Variants in RBMS1 observed in about 807,000 individuals in gnomAD.
The protein encoded by RBMS1 is RNA-binding motif, single-stranded-interacting protein 1.
In RBMS1, 17 loss-of-function variants were observed where a neutral mutation model predicts 62.3. That is an observed-to-expected ratio of 0.27 (90% CI 0.19 to 0.41). The LOEUF is 0.41. RBMS1 is among the 10% of genes least tolerant of loss of function. The pLI, the probability that RBMS1 is intolerant of heterozygous loss-of-function variation, is 1.00. For missense variants in RBMS1, 334 were observed against 504.5 expected, an observed-to-expected ratio of 0.66 and a Z score of 3.24; for synonymous variants, 172 against 170.0, an observed-to-expected ratio of 1.01 and a Z score of -0.09.
rs563350856 is a variant in RBMS1, at chr2:160,426,646, C to G, written c.76-59255G>C. On this transcript the variant is annotated intron_variant, in intron 1 of 13. Coordinates refer to ENST00000348849, the MANE Select transcript of RBMS1 (RefSeq NM_016836.4). ...ATTCCATTTTAGTTTCAAGTGTATA[C>G]CTTTTAAGTCAAAGGAGGTACTTTG... Among the ~76,000 whole-genome samples, 99 of 152,182 alleles carry G rather than the reference C, an allele frequency of 6.5e-4. 8 individuals carry two copies. The South Asian group carries it at 0.02, about 31-fold the overall frequency.
chr2:160,349,095 A>G (rs1559422077), intron 2 of RBMS1, among the ~76,000 whole-genome samples: 2 of 152,078 alleles, frequency 1.3e-5, no homozygotes, highest in Non-Finnish European at 2.9e-5. Context: ...GCCCACTCTG[A>G]TGAGTTACTA....
chr2:160,336,947 T>C (rs1361251545), intron 2 of RBMS1, among the ~76,000 whole-genome samples: 2 of 152,154 alleles, frequency 1.3e-5, no homozygotes, highest in Admixed American at 1.3e-4. Context: ...TTGTTTATGG[T>C]AGTTGCTTTA....
chr2:160,347,602 C>T (rs187422238), intron 2 of RBMS1, among the ~76,000 whole-genome samples: 2 of 152,090 alleles, frequency 1.3e-5, no homozygotes, highest in South Asian at 4.1e-4. Context: ...CGAAGGTCAA[C>T]AAGTACCAGT....
intron 9 of RBMS1, 33 bp downstream of exon 9, chr2:160,284,742 G>T (rs756420894): frequency 2.3e-5 from 33 of 1,445,006 alleles, no homozygotes; most frequent in Non-Finnish European, 3.1e-5. Flanking sequence ...TCCGCAAGTG[G>T]TTATACTGCT....
chr2:160,275,555 A>T, intron 13 of RBMS1, 75 bp downstream of exon 13: 1 of 1,548,884 alleles, frequency 6.5e-7, no homozygotes, highest in Non-Finnish European at 8.8e-7. Context: ...CCCAATCACC[A>T]TTCTGATTTT....
intron 1 of RBMS1, among the ~76,000 whole-genome samples, chr2:160,452,735 T>A (rs1022679584): frequency 6.6e-6 from 1 of 152,190 alleles, no homozygotes; most frequent in South Asian, 2.1e-4. Context: ...AGCTAAGCAC[T>A]GGAGGGTATA....
intron 1 of RBMS1, among the ~76,000 whole-genome samples, chr2:160,376,887 C>G (rs541426749): frequency 4.0e-4 from 61 of 152,276 alleles, no homozygotes; most frequent in African/African-American, 1.4e-3. Context: ...CCAGGCTGCT[C>G]TTGAACTCAG....
rs10178094 is a variant in RBMS1 at position 160,479,895 on chromosome 2, C to T, written c.75+13394G>A. On this transcript the variant is annotated intron_variant, in intron 1 of 13. Transcript: ENST00000348849. Reference sequence around the variant, plus strand: ...TAGGCTAACCTAGCCAGAATTAATACGCTTTGAAGGTTCTATGTAGTTGTT... The same window carrying T: ...TAGGCTAACCTAGCCAGAATTAATATGCTTTGAAGGTTCTATGTAGTTGTT... 3.3e-5 allele frequency among the ~76,000 whole-genome samples: 5 copies of T among 151,952 alleles called. No homozygotes were observed. In the East Asian group the frequency reaches 7.7e-4, roughly 23 times the overall value.
At chr2:160,479,140 G>A (rs574912766) in intron 1 of RBMS1, among the ~76,000 whole-genome samples, 51 of 152,202 alleles carry the variant, frequency 3.4e-4, no homozygotes, top group Non-Finnish European at 6.2e-4. Flanking sequence ...CCATCCAGCC[G>A]ATCTGGGAAA....
At chr2:160,355,472 C>T (rs142277261) in intron 2 of RBMS1, among the ~76,000 whole-genome samples, 8 of 152,192 alleles carry the variant, frequency 5.3e-5, no homozygotes, top group Admixed American at 5.2e-4. Context: ...TTAATGATAT[C>T]AAATTCCCAG....
At chr2:160,403,174 C>T (rs4664323) in intron 1 of RBMS1, among the ~76,000 whole-genome samples, 85,872 of 151,982 alleles carry the variant, frequency 0.57, 24,799 homozygotes, top group Admixed American at 0.66. Context: ...CATCATGACT[C>T]ATAGATCCTA....
chr2:160,300,602 C>G (rs776654709), intron 6 of RBMS1, 49 bp downstream of exon 6: 1 of 1,534,932 alleles, frequency 6.5e-7, no homozygotes, highest in Admixed American at 2.1e-5. Flanking sequence ...TAAAGTTAAA[C>G]ATACATCATA....
rs1472839715 is a variant in RBMS1 at position 160,300,660 on chromosome 2, C to T, written c.631G>A (p.Gly211Arg). The T allele has an allele frequency of 6.3e-7, 1 of 1,599,996 alleles. No individual in the cohort carries two copies. The highest frequency in any genetic ancestry group is 8.5e-7 in the Non-Finnish European group (1 of 1,174,740). ...FNGKFIKTPPGVSAPTEPLLC... is the reference protein window; with the variant it reads ...FNGKFIKTPPRVSAPTEPLLC... ...CAGACAAACAACATACCAGAAACTC[C>T]TGGTGGTGTCTTAATAAATTTTCCA... Residue 211 changes from glycine (G) to arginine (R), a missense_variant, in exon 6 of 14, where the codon GGA becomes AGA. Around this residue, in one of 3 missense-constraint regions of RBMS1, gnomAD observed 182 missense variants for 257.7 expected, o/e 0.71. Transcript: ENST00000348849.
At chr2:160,311,216 CTA>C (rs1245591404) in intron 4 of RBMS1, among the ~76,000 whole-genome samples, 4 of 31,562 alleles carry the variant, frequency 1.3e-4, no homozygotes, top group African/African-American at 3.3e-4. Flanking sequence ...AAAAATCTAT[CTA>C]TCTATCTATC....
At chr2:160,487,084 T>C (rs1343749012) in intron 1 of RBMS1, among the ~76,000 whole-genome samples, 1 of 151,764 alleles carries the variant, frequency 6.6e-6, no homozygotes, top group African/African-American at 2.4e-5. Flanking sequence ...GAAGTTAACA[T>C]AAAGTACAAA....
At chr2:160,476,801 G>A (rs1021083258) in intron 1 of RBMS1, among the ~76,000 whole-genome samples, 14 of 151,808 alleles carry the variant, frequency 9.2e-5, no homozygotes, top group Admixed American at 1.3e-4. Flanking sequence ...TGATCCGCCC[G>A]CCTCGGCCTC....
chr2:160,333,331 TGATACAGTCCTGAAGA>T (rs1691384748), intron 2 of RBMS1, among the ~76,000 whole-genome samples: 1 of 152,218 alleles, frequency 6.6e-6, no homozygotes. Flanking sequence ...GTACAATAAA[TGATACAGTCCTGAAGA>T]AAACTTATGT....
chr2:160,303,273 A>G, intron 5 of RBMS1, 57 bp downstream of exon 5: 2 of 1,475,566 alleles, frequency 1.4e-6, no homozygotes, highest in Non-Finnish European at 1.8e-6. Context: ...TAATTTTCCA[A>G]GATAACTTGG....
At chr2:160,354,935 C>T (rs1692713047) in intron 2 of RBMS1, among the ~76,000 whole-genome samples, 1 of 152,140 alleles carries the variant, frequency 6.6e-6, no homozygotes, top group Non-Finnish European at 1.5e-5. Flanking sequence ...AGTCTACTTT[C>T]TCGCTAATTC....
Sources: gnomAD v4.1 joint callset for allele counts (sites outside exome capture counted in the v4.1 genomes callset) on GRCh38, gnomAD v4.1.1 for gene constraint, gnomAD v4.1.1 regional missense constraint, MANE v1.5 for transcripts, NCBI Gene and HGNC (gene_info 2026-07-23, HGNC 2026-07-21) for gene names.